FOXP1: variants seen among roughly 807,000 people sequenced by gnomAD.
FOXP1 encodes forkhead box P1.
In FOXP1, 15 loss-of-function variants were observed where a neutral mutation model predicts 98.2. The ratio of observed to expected loss-of-function variants is 0.15; its 90% CI spans 0.10 to 0.24. FOXP1 has a LOEUF of 0.24. Ranked by LOEUF, FOXP1 falls within the 10% of genes least tolerant of loss-of-function variation. The pLI is 1.00. For synonymous variants in FOXP1, 371 were observed against 314.5 expected (o/e 1.18, Z -1.90); for missense variants, 633 against 848.5 (o/e 0.75, Z 3.15).
chr3:71,541,442 A>G (rs1180368872), intron 2 of FOXP1, among the ~76,000 whole-genome samples: 3 of 152,218 alleles, frequency 2.0e-5, no homozygotes, highest in Admixed American at 2.0e-4. Flanking sequence ...TTCACATAGT[A>G]AATTTTCTGC....
chr3:71,289,219 T>G (rs961625461), intron 5 of FOXP1, among the ~76,000 whole-genome samples: 1 of 151,600 alleles, frequency 6.6e-6, no homozygotes, highest in Non-Finnish European at 1.5e-5. Context: ...TTTTGTATGT[T>G]TAGTAGAGAC....
chr3:71,152,469 A>C (rs577843514), intron 6 of FOXP1, among the ~76,000 whole-genome samples: 2 of 152,312 alleles, frequency 1.3e-5, no homozygotes, highest in South Asian at 4.1e-4. Context: ...AAATGAATTC[A>C]CACACCTGTG....
intron 3 of FOXP1, among the ~76,000 whole-genome samples, chr3:71,374,941 C>G (rs545804320): frequency 1.3e-5 from 2 of 152,294 alleles, no homozygotes; most frequent in African/African-American, 4.8e-5. Flanking sequence ...ACATCTTGAA[C>G]AAGAAGACTA....
rs112091064 is a variant in FOXP1, at chr3:71,550,432, G to A, written c.-298+31117C>T. Among the ~76,000 whole-genome samples the A allele has an allele frequency of 5.9e-3, 894 of 152,254 alleles. 6 individuals carry two copies. The highest frequency in any genetic ancestry group is 0.019 in the African/African-American group (806 of 41,536). The stretch of plus-strand genomic sequence containing the variant: ...GGAGTTCTTATCTCACTGAGGCCTG[G>A]TGACAGATAAATTACACAAACTAAT... On this transcript the variant is annotated intron_variant, in intron 2 of 20. Coordinates refer to ENST00000649528, the MANE Select transcript of FOXP1 (RefSeq NM_001349338.3).
rs541210658 is a variant in FOXP1 at position 71,188,729 on chromosome 3, G to A, written c.180+9473C>T. 9.2e-5 allele frequency among the ~76,000 whole-genome samples: 14 copies of A among 152,208 alleles called. No homozygotes were observed. The East Asian group carries it at 2.7e-3, about 29-fold the overall frequency. ...GCTGCTTTGTCTCTTTTAATAGGTG[G>A]CTGTGATACTGACAACTCAGTTGTG... On this transcript the variant is annotated intron_variant, in intron 6 of 20. Transcript: ENST00000649528.
In FOXP1 at chr3:71,041,459, G is replaced by C. The variant is rs761092367; in HGVS notation, c.738C>G (p.Gly246=). 9.3e-6 allele frequency: 15 copies of C among 1,613,768 alleles called. No homozygotes were observed. The Admixed American group carries it at 2.5e-4, about 27-fold the overall frequency. ...TSAHTAEETT[G]NNHSSLDLTT... ...TCAGATCCAAACTGCTGTGATTGTT[G>C]CCTGTGGTTTCTTCTGCAGTATGAG... The change falls in exon 11 of 21, where the codon GGC becomes GGG. Residue 246 remains glycine, a synonymous_variant. Coordinates refer to ENST00000649528, the MANE Select transcript of FOXP1 (RefSeq NM_001349338.3).
At chr3:71,057,871 T>TA (rs1266299454) in intron 7 of FOXP1, among the ~76,000 whole-genome samples, 28 of 152,150 alleles carry the variant, frequency 1.8e-4, no homozygotes, top group Admixed American at 1.8e-3. Context: ...GGCCTGCTGC[T>TA]ACCTTAATAC....
chr3:71,109,203 T>C (rs831444), intron 7 of FOXP1, among the ~76,000 whole-genome samples: 98,579 of 152,118 alleles, frequency 0.65, 35,864 homozygotes, highest in Non-Finnish European at 0.81. Context: ...AAGAGTGCCA[T>C]TTCTCTCTTA....
intron 3 of FOXP1, among the ~76,000 whole-genome samples, chr3:71,359,709 G>C (rs2078417724): frequency 6.6e-6 from 1 of 152,074 alleles, no homozygotes; most frequent in Non-Finnish European, 1.5e-5. Context: ...TTTTGGAATT[G>C]TAGTAGACAA....
At chr3:71,412,689 T>C (rs574602512) in intron 3 of FOXP1, among the ~76,000 whole-genome samples, 1 of 152,184 alleles carries the variant, frequency 6.6e-6, no homozygotes, top group African/African-American at 2.4e-5. Flanking sequence ...TAACACAGGT[T>C]GTAGTCCCAA....
At chr3:71,101,123 G>A (rs1226038919) in intron 7 of FOXP1, among the ~76,000 whole-genome samples, 3 of 152,078 alleles carry the variant, frequency 2.0e-5, no homozygotes, top group South Asian at 4.2e-4. Flanking sequence ...AAATACCAGC[G>A]GAAGGAAAAA....
chr3:71,026,228 G>A (rs1236638161), intron 11 of FOXP1, among the ~76,000 whole-genome samples: 1 of 152,048 alleles, frequency 6.6e-6, no homozygotes. Flanking sequence ...CTTAGAATGA[G>A]GCTCATTTTA....
At chr3:71,404,823 T>C (rs2082202842) in intron 3 of FOXP1, among the ~76,000 whole-genome samples, 1 of 152,144 alleles carries the variant, frequency 6.6e-6, no homozygotes, top group Non-Finnish European at 1.5e-5. Context: ...AAGAGACTAA[T>C]CAATAGTATC....
intron 6 of FOXP1, among the ~76,000 whole-genome samples, chr3:71,114,605 T>C (rs1419517193): frequency 6.6e-6 from 1 of 152,206 alleles, no homozygotes; most frequent in African/African-American, 2.4e-5. Flanking sequence ...ACCTGCCTAC[T>C]GCATCCACCC....
chr3:71,137,206 GA>G (rs555691141), intron 6 of FOXP1, among the ~76,000 whole-genome samples: 171 of 152,318 alleles, frequency 1.1e-3, no homozygotes, highest in Middle Eastern at 6.8e-3. Context: ...CCTTCTCAAA[GA>G]GAAGTGAATT....
At chr3:71,524,901 G>A (rs1342339383) in intron 2 of FOXP1, among the ~76,000 whole-genome samples, 1 of 152,178 alleles carries the variant, frequency 6.6e-6, no homozygotes, top group African/African-American at 2.4e-5. Flanking sequence ...ACAGGTCACC[G>A]TGCGGCCCAC....
chr3:71,361,400 C>G (rs768101263), intron 3 of FOXP1, among the ~76,000 whole-genome samples: 4 of 152,164 alleles, frequency 2.6e-5, no homozygotes, highest in Non-Finnish European at 4.4e-5. Flanking sequence ...CCTCAAGGAA[C>G]AGTCGGCAGA....
chr3:71,104,495 G>GT (rs904940023), intron 7 of FOXP1, among the ~76,000 whole-genome samples: 10 of 151,922 alleles, frequency 6.6e-5, no homozygotes, highest in Admixed American at 6.6e-5. Context: ...TTACATTTCA[G>GT]TTTTTTTTCT....
chr3:71,014,438 T>C (rs979025879), intron 12 of FOXP1, among the ~76,000 whole-genome samples: 2 of 152,132 alleles, frequency 1.3e-5, no homozygotes, highest in Admixed American at 6.5e-5. Context: ...AAAACCGCAA[T>C]GAGATACCAT....
Sources: gnomAD v4.1 joint callset for allele counts (sites outside exome capture counted in the v4.1 genomes callset) on GRCh38, gnomAD v4.1.1 for gene constraint, MANE v1.5 for transcripts, NCBI Gene and HGNC (gene_info 2026-07-23, HGNC 2026-07-21) for gene names.